The following PARD3 variants were observed in gnomAD, a reference collection of about 807,000 sequenced individuals.
The protein encoded by PARD3 is partitioning defective 3 homolog.
PARD3 carries 75 observed loss-of-function variants against 155.4 expected under a neutral mutation model. The observed-to-expected ratio is 0.48, with a 90% CI of 0.40 to 0.58. The LOEUF (loss-of-function observed/expected upper bound fraction) is 0.58, where lower values mean the gene tolerates loss of function less well. Ranked by LOEUF, PARD3 falls within the 20% of genes least tolerant of loss-of-function variation. PARD3 has a pLI of 0.00. For synonymous variants in PARD3, 576 were observed against 610.5 expected (o/e 0.94, Z 0.83); for missense variants, 1,642 against 1,721.7 (o/e 0.95, Z 0.82).
intron 22 of PARD3, among the ~76,000 whole-genome samples, chr10:34,251,282 A>T (rs1251658473): frequency 6.6e-6 from 1 of 152,188 alleles, no homozygotes; most frequent in African/African-American, 2.4e-5. Context: ...ATGCAAAAAC[A>T]ATCTCTGTGG....
chr10:34,131,395 T>C (rs1588877834), intron 23 of PARD3, 68 bp downstream of exon 23: 10 of 1,583,938 alleles, frequency 6.3e-6, no homozygotes, highest in South Asian at 2.2e-5. Flanking sequence ...ATTGAGGTCA[T>C]AGCTTAGTGG....
At chr10:34,778,120 T>C (rs545527135) in intron 1 of PARD3, among the ~76,000 whole-genome samples, 14 of 152,356 alleles carry the variant, frequency 9.2e-5, no homozygotes, top group Middle Eastern at 3.4e-3. Flanking sequence ...GCGCAGCATT[T>C]GCATATAACC....
chr10:34,355,936 A>AAAAAC (rs1838780199), intron 14 of PARD3, among the ~76,000 whole-genome samples: 1 of 114,432 alleles, frequency 8.7e-6, no homozygotes, highest in South Asian at 2.4e-4. Flanking sequence ...AAAAAAAAAA[A>AAAAAC]AAAAAAAAAA....
At chr10:34,261,301 T>C (rs935554724) in intron 22 of PARD3, among the ~76,000 whole-genome samples, 7 of 152,260 alleles carry the variant, frequency 4.6e-5, no homozygotes, top group Middle Eastern at 3.4e-3. Flanking sequence ...TGACCAGGAT[T>C]TTATGATTTC....
At chr10:34,792,295 G>C (rs540304024) in intron 1 of PARD3, among the ~76,000 whole-genome samples, 3 of 151,996 alleles carry the variant, frequency 2.0e-5, no homozygotes, top group Admixed American at 2.0e-4. Flanking sequence ...GTGTTGCCCC[G>C]GCAGGTCTCA....
chr10:34,415,396 A>T (rs1845568089), intron 5 of PARD3, among the ~76,000 whole-genome samples: 1 of 152,222 alleles, frequency 6.6e-6, no homozygotes, highest in Non-Finnish European at 1.5e-5. Context: ...GAAGATCAAT[A>T]AATAAGCAAA....
At position 34,346,002 on chromosome 10, in the gene PARD3, C is replaced by T. The variant is rs1837382113; in HGVS notation, c.2218+1963G>A. The T allele has an allele frequency of 3.0e-6, 3 of 985,148 alleles. No homozygotes were observed. In the South Asian group the frequency reaches 1.4e-4, roughly 46 times the overall value. The allele number at this position is 985,148 out of a possible 1,614,324, so 61.0% of individuals were successfully genotyped here. A position where few individuals can be genotyped will look rare whatever the true frequency, so the allele number is the denominator to read the frequency against. Reference sequence around the variant, plus strand: ...TGTAAAAATTATCTTAAGAAAATATCCAAATCATAAAAACATCAATTTAGC... The same window carrying T: ...TGTAAAAATTATCTTAAGAAAATATTCAAATCATAAAAACATCAATTTAGC... On this transcript the variant is annotated intron_variant, in intron 15 of 24. Coordinates refer to ENST00000374788, the MANE Select transcript of PARD3 (RefSeq NM_001184785.2).
chr10:34,601,564 A>G (rs1303997733), intron 2 of PARD3, among the ~76,000 whole-genome samples: 1 of 152,178 alleles, frequency 6.6e-6, no homozygotes, highest in Non-Finnish European at 1.5e-5. Flanking sequence ...TTAATTCAGA[A>G]AACTCATTAT....
chr10:34,254,007 C>T (rs1473111498), intron 22 of PARD3, among the ~76,000 whole-genome samples: 4 of 152,082 alleles, frequency 2.6e-5, no homozygotes, highest in Non-Finnish European at 4.4e-5. Flanking sequence ...GTGATGGGTG[C>T]ACTGAAGGCC....
intron 5 of PARD3, among the ~76,000 whole-genome samples, chr10:34,431,808 G>T (rs978886901): frequency 3.0e-5 from 4 of 135,112 alleles, no homozygotes; most frequent in African/African-American, 1.0e-4. Context: ...CCAGCAGTTT[G>T]GGAGGCCGAG....
chr10:34,791,857 A>T (rs1357507955), intron 1 of PARD3, among the ~76,000 whole-genome samples: 2 of 151,842 alleles, frequency 1.3e-5, no homozygotes, highest in Non-Finnish European at 2.9e-5. Context: ...AAAAAAAAAA[A>T]AAATCAGGAC....
At chr10:34,456,868 T>G (rs1192300631) in intron 4 of PARD3, among the ~76,000 whole-genome samples, 2 of 152,202 alleles carry the variant, frequency 1.3e-5, no homozygotes, top group Non-Finnish European at 2.9e-5. Context: ...ACATACTCAG[T>G]ATCTTCTAGA....
intron 22 of PARD3, among the ~76,000 whole-genome samples, chr10:34,174,517 G>C (rs964782540): frequency 3.3e-5 from 5 of 152,156 alleles, no homozygotes; most frequent in Admixed American, 1.3e-4. Context: ...TTCAAGGTCG[G>C]GGGCGTGGAG....
chr10:34,451,880 T>G (rs987127201), intron 4 of PARD3, among the ~76,000 whole-genome samples: 2 of 149,200 alleles, frequency 1.3e-5, no homozygotes, highest in Non-Finnish European at 3.0e-5. Context: ...ATACTAAGAG[T>G]CTCTCCTTAA....
At chr10:34,623,638 G>A (rs932305238) in intron 2 of PARD3, among the ~76,000 whole-genome samples, 6 of 152,034 alleles carry the variant, frequency 3.9e-5, no homozygotes, top group Non-Finnish European at 7.4e-5. Context: ...ATCCACTCTT[G>A]AACCCCCTAA....
At chr10:34,416,589 G>C (rs1845701103) in intron 5 of PARD3, among the ~76,000 whole-genome samples, 1 of 152,160 alleles carries the variant, frequency 6.6e-6, no homozygotes. Flanking sequence ...CTCAGTCCCT[G>C]ACTCTAGTGT....
intron 15 of PARD3, chr10:34,346,158 C>T: frequency 9.2e-7 from 1 of 1,091,396 alleles, no homozygotes; most frequent in Non-Finnish European, 1.1e-6. Context: ...GAGTTCAGTA[C>T]ATATCTAGCA....
chr10:34,174,456 G>T (rs1175764847), intron 22 of PARD3, among the ~76,000 whole-genome samples: 1 of 152,214 alleles, frequency 6.6e-6, no homozygotes, highest in African/African-American at 2.4e-5. Context: ...AGAAATGCTT[G>T]TGTTACACAT....
intron 22 of PARD3, among the ~76,000 whole-genome samples, chr10:34,226,967 G>T (rs1358969775): frequency 1.3e-5 from 2 of 152,312 alleles, no homozygotes; most frequent in East Asian, 1.9e-4. Flanking sequence ...GCATGGCAAA[G>T]ATTTCACGAA....
Sources: gnomAD v4.1 joint callset for allele counts (sites outside exome capture counted in the v4.1 genomes callset) on GRCh38, gnomAD v4.1.1 for gene constraint, MANE v1.5 for transcripts, NCBI Gene and HGNC (gene_info 2026-07-23, HGNC 2026-07-21) for gene names.